Variants in NUCB2 observed in about 807,000 individuals in gnomAD.
The protein encoded by NUCB2 is nucleobindin 2, also known as nucleobindin-2.
In NUCB2, 48 loss-of-function variants were observed where a neutral mutation model predicts 57.9. The observed-to-expected ratio is 0.83, with a 90% confidence interval of 0.66 to 1.05. The LOEUF is 1.05. NUCB2 is among the 50% of genes least tolerant of loss of function. NUCB2 has a pLI of 0.00. For missense variants in NUCB2, 442 were observed against 476.2 expected, an observed-to-expected ratio of 0.93 and a Z score of 0.67; for synonymous variants, 139 against 152.1, an observed-to-expected ratio of 0.91 and a Z score of 0.64.
intron 2 of NUCB2, 101 bp from the exon 3 acceptor site, chr11:17,295,223 C>A: frequency 3.8e-6 from 4 of 1,043,932 alleles, no homozygotes; most frequent in South Asian, 2.3e-5. Context: ...TTTTATTAAA[C>A]CTCTTGAGAT....
intron 2 of NUCB2, among the ~76,000 whole-genome samples, chr11:17,287,608 G>C (rs1420402550): frequency 1.3e-5 from 2 of 149,216 alleles, no homozygotes; most frequent in East Asian, 3.9e-4. Flanking sequence ...GGGAAGTGAA[G>C]GCTGCAGTGA....
chr11:17,322,271 A>C (rs1001122481), intron 11 of NUCB2, among the ~76,000 whole-genome samples: 18 of 152,262 alleles, frequency 1.2e-4, no homozygotes, highest in African/African-American at 4.1e-4. Flanking sequence ...ATTTTTGTAT[A>C]AGGCAAGATG....
chr11:17,298,301 C>A (rs984502828), intron 4 of NUCB2, among the ~76,000 whole-genome samples: 2 of 151,942 alleles, frequency 1.3e-5, no homozygotes, highest in Non-Finnish European at 2.9e-5. Flanking sequence ...CACAGTGGCT[C>A]ACATTTGTAA....
At chr11:17,309,511 T>A (rs1280077930) in intron 5 of NUCB2, 61 bp from the exon 6 acceptor site, 1 of 960,552 alleles carries the variant, frequency 1.0e-6, no homozygotes, top group Non-Finnish European at 1.6e-6. Context: ...TTCTTGTGTA[T>A]AATTATTATG....
chr11:17,298,700 CT>C (rs1276181789), intron 4 of NUCB2, among the ~76,000 whole-genome samples: 70 of 145,322 alleles, frequency 4.8e-4, no homozygotes, highest in Admixed American at 5.5e-4. Flanking sequence ...TTTCTCTTTC[CT>C]TTTTTTTTTT....
intron 3 of NUCB2, 178 bp downstream of exon 3, chr11:17,295,645 TAGC>T (rs1266696957): frequency 3.4e-6 from 2 of 586,838 alleles, no homozygotes; most frequent in African/African-American, 1.9e-5. Flanking sequence ...ATTTCTGAAA[TAGC>T]AGTGAAAAGA....
intron 5 of NUCB2, among the ~76,000 whole-genome samples, chr11:17,308,562 A>G (rs10766384): frequency 0.24 from 35,819 of 152,030 alleles, 4,901 homozygotes; most frequent in East Asian, 0.47. Context: ...CAACAACTTC[A>G]ACAATGTACC....
intron 2 of NUCB2, among the ~76,000 whole-genome samples, chr11:17,348,193 T>C (rs927777133): frequency 6.6e-6 from 1 of 152,148 alleles, no homozygotes; most frequent in African/African-American, 2.4e-5. Flanking sequence ...GCAGTCCTCC[T>C]GCCTCTGCCT....
intron 4 of NUCB2, among the ~76,000 whole-genome samples, chr11:17,299,513 A>C (rs549751516): frequency 6.6e-6 from 1 of 152,336 alleles, no homozygotes; most frequent in African/African-American, 2.4e-5. Flanking sequence ...AAAAGCTTTT[A>C]TATATGGAAT....
intron 2 of NUCB2, among the ~76,000 whole-genome samples, chr11:17,290,552 TA>T (rs202131099): frequency 6.6e-6 from 1 of 151,152 alleles, no homozygotes; most frequent in East Asian, 1.9e-4. Context: ...CAAAAAACAA[TA>T]AAAAAAATAC....
rs925324416 is a variant in NUCB2, at chr11:17,315,293, T to C, written c.913-93T>C. 6 of 585,058 alleles carry C rather than the reference T, an allele frequency of 1.0e-5. No homozygotes were observed. The African/African-American group carries it at 1.1e-4, about 11-fold the overall frequency. 36.2% of individuals were successfully genotyped at this position (585,058 alleles called of 1,614,324 possible). A position where few individuals can be genotyped will look rare whatever the true frequency, so the allele number is the denominator to read the frequency against. ...AAGTGAGTCCTAATTGCTGTATGTT[T>C]ATGTAGTGGCATCTATTACAAGACA... On this transcript the variant is annotated intron_variant, in intron 10 of 13. Coordinates refer to ENST00000529010, the MANE Select transcript of NUCB2 (RefSeq NM_005013.4).
chr11:17,311,028 A>G lies in NUCB2; in HGVS notation c.669+18A>G. 1 of 1,551,066 alleles carries G rather than the reference A, an allele frequency of 6.4e-7. No individual in the cohort carries two copies. Among genetic ancestry groups the G allele is most frequent in the South Asian group, 1.2e-5 (1 of 80,748 alleles). On this transcript the variant is annotated intron_variant, in intron 7 of 13. Coordinates refer to ENST00000529010, the MANE Select transcript of NUCB2 (RefSeq NM_005013.4). Reference sequence around the variant, plus strand: ...ATCACCCAGTAAGGATTGTGACTTTATGAAACCATTTTTAGATAAAGATAC... The same window carrying G: ...ATCACCCAGTAAGGATTGTGACTTTGTGAAACCATTTTTAGATAAAGATAC...
Position 17,339,097 on chromosome 11 carries a change from C to T in NUCB2, n.2626+1563C>T, listed in dbSNP as rs1222434590. ...CTGCCTCCCGGGTTCAAGTGATTCTCCTGCCTCAGTCTCCTGAGTAGCTGG... is the reference window on the plus strand; with the variant it reads ...CTGCCTCCCGGGTTCAAGTGATTCTTCTGCCTCAGTCTCCTGAGTAGCTGG... On this transcript the variant is annotated intron_variant and non_coding_transcript_variant, in intron 2 of 2. Coordinates refer to the NUCB2 transcript ENST00000532240. Among the ~76,000 whole-genome samples, 3 of 152,262 alleles carry T rather than the reference C, an allele frequency of 2.0e-5. No homozygotes were observed. In the East Asian group the frequency reaches 5.8e-4, roughly 29 times the overall value.
intron 1 of NUCB2, among the ~76,000 whole-genome samples, chr11:17,278,916 G>T (rs1941946746): frequency 6.6e-6 from 1 of 152,184 alleles, no homozygotes; most frequent in Non-Finnish European, 1.5e-5. Context: ...CTTTAGGCCG[G>T]GCATGGTGGC....
intron 2 of NUCB2, among the ~76,000 whole-genome samples, chr11:17,288,954 TATATATA>T (rs1944429022): frequency 5.7e-5 from 3 of 52,440 alleles, no homozygotes; most frequent in African/African-American, 3.1e-4. Flanking sequence ...CACACACATA[TATATATA>T]TATTTTTTTT....
chr11:17,294,191 C>T (rs1945413511), intron 2 of NUCB2, among the ~76,000 whole-genome samples: 1 of 151,870 alleles, frequency 6.6e-6, no homozygotes, highest in South Asian at 2.1e-4. Context: ...AGTATACTAC[C>T]CTATTAGAGA....
intron 1 of NUCB2, among the ~76,000 whole-genome samples, chr11:17,280,196 G>T (rs1205534994): frequency 6.6e-6 from 1 of 152,114 alleles, no homozygotes; most frequent in Non-Finnish European, 1.5e-5. Context: ...GAGTGATACA[G>T]ATCTGTTTTT....
intron 2 of NUCB2, among the ~76,000 whole-genome samples, chr11:17,288,950 C>CACACAT (rs1944414979): frequency 2.1e-4 from 7 of 33,162 alleles, no homozygotes; most frequent in Non-Finnish European, 3.4e-4. Context: ...CACACACACA[C>CACACAT]ATATATATAT....
rs1310706884 is a variant in NUCB2 at position 17,298,672 on chromosome 11, A to C, written c.252+2461A>C. 2.0e-5 allele frequency among the ~76,000 whole-genome samples: 3 copies of C among 148,660 alleles called. No homozygotes were observed. The East Asian group carries it at 5.9e-4, about 29-fold the overall frequency. On this transcript the variant is annotated intron_variant, in intron 4 of 13. Coordinates refer to ENST00000529010, the MANE Select transcript of NUCB2 (RefSeq NM_005013.4). Reference sequence around the variant, plus strand: ...GACTTCTGTTTCATAAAAAACTGACAAAAAAAAAAGTTAGAATTTTCTCTT... The same window carrying C: ...GACTTCTGTTTCATAAAAAACTGACCAAAAAAAAAGTTAGAATTTTCTCTT...
Sources: gnomAD v4.1 joint callset for allele counts (sites outside exome capture counted in the v4.1 genomes callset) on GRCh38, gnomAD v4.1.1 for gene constraint, MANE v1.5 for transcripts, NCBI Gene and HGNC (gene_info 2026-07-23, HGNC 2026-07-21) for gene names.